Variants in ILK observed in about 807,000 individuals in gnomAD.
ILK encodes the protein scaffold protein ILK.
ILK carries 37 observed loss-of-function variants against 57.8 expected under a neutral mutation model. That is an observed-to-expected ratio of 0.64 (90% CI 0.49 to 0.84). The LOEUF is 0.84. ILK is among the 40% of genes least tolerant of loss of function. The probability of loss-of-function intolerance (pLI) is 0.00; values close to 1 mark genes in which losing one functional copy is unlikely to be tolerated. For missense variants in ILK, 528 were observed against 595.7 expected, an observed-to-expected ratio of 0.89 and a Z score of 1.18; for synonymous variants, 231 against 202.2, an observed-to-expected ratio of 1.14 and a Z score of -1.21.
At chr11:6,604,911 G>A (rs1021133885) in intron 2 of ILK, 25 of 456,178 alleles carry the variant, frequency 5.5e-5, no homozygotes, top group African/African-American at 4.0e-4. Flanking sequence ...CTAGTTCATC[G>A]TAGAAGTAAT....
In ILK at chr11:6,607,695, T is replaced by G. The variant is rs183179212; in HGVS notation, c.90-351T>G. 3 of 344,002 alleles carry G rather than the reference T, an allele frequency of 8.7e-6. No homozygotes were observed. The Admixed American group carries it at 1.3e-4, about 15-fold the overall frequency. 21.3% of individuals were successfully genotyped at this position (344,002 alleles called of 1,614,324 possible). On this transcript the variant is annotated intron_variant, in intron 2 of 12. Transcript: ENST00000299421. ...CAATCCAGTGCAACAAGTGCTGAAG[T>G]AGGGGGACATATAAGATGTGGTGGA...
Position 6,608,133 on chromosome 11 carries a change from G to C in ILK, c.177G>C (p.Arg59=). The change falls in exon 3 of 13, where the codon CGG becomes CGC. Residue 59 remains arginine, a synonymous_variant. Coordinates refer to ENST00000299421, the MANE Select transcript of ILK (RefSeq NM_004517.4). This position sits in a 1 kb window ranked among gnomAD's most constrained non-coding sequence, Gnocchi z 4.9. ...AGATGTTGATCATGCGGGGGGCACG[G>C]ATCAATGTAATGAACCGTGGGGATG... ...VVEMLIMRGA[R]INVMNRGDDT... The C allele has an allele frequency of 1.2e-6, 2 of 1,614,152 alleles. No individual in the cohort carries two copies. The highest frequency in any genetic ancestry group is 1.7e-6 in the Non-Finnish European group (2 of 1,180,028).
intron 2 of ILK, 109 bp downstream of exon 2, chr11:6,604,469 G>A: frequency 1.0e-6 from 1 of 964,686 alleles, no homozygotes; most frequent in Non-Finnish European, 1.6e-6. Flanking sequence ...CCAGTGTAAT[G>A]AGTGCTAAGC....
chr11:6,608,078 C>T lies in ILK; in HGVS notation c.122C>T (p.Ala41Val), dbSNP rs760427367. The T allele has an allele frequency of 5.6e-6, 9 of 1,614,156 alleles. No individual in the cohort carries two copies. The highest frequency in any genetic ancestry group is 7.6e-6 in the Non-Finnish European group (9 of 1,180,032). ...CATGGCTTCTCCCCCTTGCACTGGG[C>T]CTGCCGAGAGGGCCGCTCTGCTGTG... ...DDHGFSPLHWACREGRSAVVE... is the reference protein window; with the variant it reads ...DDHGFSPLHWVCREGRSAVVE... Residue 41 changes from alanine (A) to valine (V), a missense_variant, in exon 3 of 13, where the codon GCC (alanine) becomes GTC (valine). Physicochemically the swap from Ala to Val is moderately conservative, Grantham distance 64 (BLOSUM62 0). Transcript: ENST00000299421. This position sits in a 1 kb window ranked among gnomAD's most constrained non-coding sequence, Gnocchi z 4.9.
Position 6,610,031 on chromosome 11 carries a change from C to G in ILK, c.1074C>G (p.Pro358=). 1 of 1,614,108 alleles carries G rather than the reference C, an allele frequency of 6.2e-7. No homozygotes were observed. ...TGTATGCACCTGCCTGGGTAGCCCC[C>G]GAAGGTGAGTGAAGTCATCATGTCG... ...GRMYAPAWVA[P]EALQKKPEDT... The change falls in exon 11 of 13, where the codon CCC becomes CCG. Residue 358 remains proline (P), a synonymous_variant. Transcript: ENST00000299421.
chr11:6,603,781 G>C lies in ILK; in HGVS notation c.-134G>C, dbSNP rs2134510622. 2.6e-6 allele frequency: 1 copy of C among 378,116 alleles called. No homozygotes were observed. The highest frequency in any genetic ancestry group is 4.8e-5 in the Admixed American group (1 of 20,760). The allele number at this position is 378,116 out of a possible 1,614,324, so 23.4% of individuals were successfully genotyped here. ...CGGCGGCGGGCTGCGGGCGCGGCCG[G>C]ACGGGAGTTCCCCGGAGAAGGATCC... On this transcript the variant is annotated 5_prime_UTR_variant, in exon 1 of 13. Coordinates refer to ENST00000299421, the MANE Select transcript of ILK (RefSeq NM_004517.4).
intron 2 of ILK, chr11:6,604,755 C>G (rs1854664504): frequency 1.3e-5 from 6 of 475,606 alleles, no homozygotes; most frequent in Non-Finnish European, 2.5e-5. Context: ...AAGGATCAGC[C>G]AGATCATGCA....
Position 6,608,591 on chromosome 11 carries a change from T to A in ILK, c.351+102T>A, listed in dbSNP as rs1392625092. On this transcript the variant is annotated intron_variant, in intron 4 of 12. Transcript: ENST00000299421. The surrounding 1 kb of genome is among the most constrained non-coding windows in gnomAD (Gnocchi z 4.9). ...AACCCATTCTGTCAGTACTACTGTG[T>A]GACACTTACAGGATTAAGTTCTACA... 7.5e-7 allele frequency: 1 copy of A among 1,339,326 alleles called. No individual in the cohort carries two copies. The allele number at this position is 1,339,326 out of a possible 1,614,324, so 83.0% of individuals were successfully genotyped here.
rs767755937 is a variant in ILK at position 6,609,499 on chromosome 11, C to A, written c.729-13C>A. 2 of 1,614,048 alleles carry A rather than the reference C, an allele frequency of 1.2e-6. No homozygotes were observed. The highest frequency in any genetic ancestry group is 1.7e-6 in the Non-Finnish European group (2 of 1,180,030). ...TTTTGTACTGGGTCTCAACCACTCC[C>A]TCCCTCTTCTAGGATTTTCTCGCAT... On this transcript the variant is annotated splice_polypyrimidine_tract_variant and intron_variant, in intron 8 of 12. Coordinates refer to ENST00000299421, the MANE Select transcript of ILK (RefSeq NM_004517.4).
chr11:6,608,497 C>G lies in ILK; in HGVS notation c.351+8C>G. The G allele has an allele frequency of 6.2e-7, 1 of 1,607,860 alleles. No homozygotes were observed. Among genetic ancestry groups the G allele is most frequent in the Non-Finnish European group, 8.5e-7 (1 of 1,174,292 alleles). ...CAAGATCAAGTGGCAGAGGTGAGTA[C>G]TCAGCCCTTAATTCCTGAGATGGGT... On this transcript the variant is annotated splice_region_variant and intron_variant, in intron 4 of 12. Transcript: ENST00000299421. The surrounding 1 kb of genome is among the most constrained non-coding windows in gnomAD (Gnocchi z 4.9).
intron 2 of ILK, chr11:6,605,032 A>G: frequency 2.6e-6 from 1 of 385,412 alleles, no homozygotes; most frequent in South Asian, 1.9e-5. Context: ...AAGGGCAAAG[A>G]TGAGGACCAG....
At position 6,610,565 on chromosome 11, in the gene ILK, A is replaced by C; in HGVS notation, c.1313A>C (p.Lys438Thr). Reference protein sequence around the residue: ...CMNEDPAKRPKFDMIVPILEK... With the variant: ...CMNEDPAKRPTFDMIVPILEK... Reference sequence around the variant, plus strand: ...AATGAAGACCCTGCAAAGCGACCCAAATTTGACATGATTGTGCCTATCCTT... The same window carrying C: ...AATGAAGACCCTGCAAAGCGACCCACATTTGACATGATTGTGCCTATCCTT... Residue 438 changes from lysine to threonine, a missense_variant, in exon 13 of 13, where the codon AAA (lysine) becomes ACA (threonine). By Grantham distance (78) the Lys-to-Thr change is moderately conservative. Transcript: ENST00000299421. 6.2e-7 allele frequency: 1 copy of C among 1,614,208 alleles called. No individual in the cohort carries two copies. Among genetic ancestry groups the C allele is most frequent in the Non-Finnish European group, 8.5e-7 (1 of 1,180,028 alleles).
Position 6,608,364 on chromosome 11 carries a change from C to T in ILK, c.256-30C>T, listed in dbSNP as rs1029483367. 1 of 1,604,834 alleles carries T rather than the reference C, an allele frequency of 6.2e-7. No individual in the cohort carries two copies. The highest frequency in any genetic ancestry group is 8.5e-7 in the Non-Finnish European group (1 of 1,171,518). On this transcript the variant is annotated intron_variant, in intron 3 of 12. Transcript: ENST00000299421. The surrounding 1 kb of genome is among the most constrained non-coding windows in gnomAD (Gnocchi z 4.9). ...ATTTGGAACTGACTGTACTTTCTGC[C>T]TCTTCTTTTTGTCTGGCCATGGGGT...
intron 2 of ILK, among the ~76,000 whole-genome samples, chr11:6,605,665 C>T (rs886541709): frequency 2.0e-5 from 3 of 152,156 alleles, no homozygotes; most frequent in African/African-American, 7.2e-5. Flanking sequence ...TCTTCCTACC[C>T]GCCCCACTCT....
rs1181885506 is a variant in ILK at position 6,609,843 on chromosome 11, A to G, written c.976A>G (p.Met326Val). Reference protein sequence around the residue: ...PRHALNSRSVMIDEDMTARIS... With the variant: ...PRHALNSRSVVIDEDMTARIS... The stretch of plus-strand genomic sequence containing the variant: ...ACATGCACTCAATAGCCGTAGTGTA[A>G]TGGTGAGGCCACAAGCTCACTCCTG... Residue 326 changes from methionine (M) to valine (V), a missense_variant and splice_region_variant, in exon 10 of 13, where the codon ATG becomes GTG. Transcript: ENST00000299421. The G allele has an allele frequency of 6.2e-7, 1 of 1,614,080 alleles. No homozygotes were observed. The highest frequency in any genetic ancestry group is 8.5e-7 in the Non-Finnish European group (1 of 1,180,022).
intron 2 of ILK, among the ~76,000 whole-genome samples, chr11:6,605,296 G>GA (rs1854755024): frequency 1.3e-5 from 2 of 152,206 alleles, no homozygotes; most frequent in South Asian, 2.1e-4. Context: ...TTGTGAAGGA[G>GA]AACGTCTCAG....
At chr11:6,606,072 C>G (rs1011590357) in intron 2 of ILK, among the ~76,000 whole-genome samples, 8 of 152,160 alleles carry the variant, frequency 5.3e-5, no homozygotes, top group African/African-American at 1.9e-4. Flanking sequence ...TACTCGGAGG[C>G]TGAGGCAGGA....
Position 6,604,171 on chromosome 11 carries a change from C to G in ILK, c.-92-9C>G, listed in dbSNP as rs1854583472. On this transcript the variant is annotated splice_polypyrimidine_tract_variant and intron_variant, in intron 1 of 12. Coordinates refer to ENST00000299421, the MANE Select transcript of ILK (RefSeq NM_004517.4). ...CCCTACCCCCAACACAAACACTTCTCTCCTGTAGAGGATAAAGCTTGGGGT... is the reference window on the plus strand; with the variant it reads ...CCCTACCCCCAACACAAACACTTCTGTCCTGTAGAGGATAAAGCTTGGGGT... The G allele has an allele frequency of 1.8e-6, 2 of 1,084,106 alleles. No homozygotes were observed. The highest frequency in any genetic ancestry group is 2.7e-6 in the Non-Finnish European group (2 of 732,810). The allele number at this position is 1,084,106 out of a possible 1,614,324, so 67.2% of individuals were successfully genotyped here. A position where few individuals can be genotyped will look rare whatever the true frequency, so the allele number is the denominator to read the frequency against.
rs1421610487 is a variant in ILK, at chr11:6,610,242, C to CT, written c.1176dup (p.Ala393CysfsTer2). 1 of 1,614,108 alleles carries CT rather than the reference C, an allele frequency of 6.2e-7. No individual in the cohort carries two copies. The highest frequency in any genetic ancestry group is 8.5e-7 in the Non-Finnish European group (1 of 1,180,050). On this transcript the variant is annotated frameshift_variant, in exon 12 of 13. Transcript: ENST00000299421. LOFTEE classifies it high-confidence loss of function. ...GGGAACTGGTGACACGGGAGGTACC[C>CT]TTTGCTGACCTCTCCAATATGGAGA... is the stretch of plus-strand genomic sequence containing the variant.
Sources: gnomAD v4.1 joint callset for allele counts (sites outside exome capture counted in the v4.1 genomes callset) on GRCh38, gnomAD v4.1.1 for gene constraint, Gnocchi (gnomAD v3.1) non-coding constraint, MANE v1.5 for transcripts, NCBI Gene and HGNC (gene_info 2026-07-23, HGNC 2026-07-21) for gene names.